Variants in ACVR1C observed in about 807,000 individuals in gnomAD.
ACVR1C encodes the protein activin A receptor type 1C.
ACVR1C carries 23 observed loss-of-function variants against 57.9 expected under a neutral mutation model. The observed-to-expected ratio is 0.40, with a 90% CI of 0.29 to 0.56. ACVR1C has a LOEUF of 0.56. Ranked by LOEUF, ACVR1C falls within the 20% of genes least tolerant of loss-of-function variation. The pLI is 0.50. For synonymous variants in ACVR1C, 214 were observed against 215.3 expected (o/e 0.99, Z 0.05); for missense variants, 480 against 607.9 (o/e 0.79, Z 2.21).
rs1687880400 is a variant in ACVR1C, at chr2:157,550,133, C to T, written c.775+29G>A. 1.9e-6 allele frequency: 3 copies of T among 1,586,442 alleles called. No homozygotes were observed. The East Asian group carries it at 6.8e-5, about 36-fold the overall frequency. On this transcript the variant is annotated intron_variant, in intron 4 of 8. Transcript: ENST00000243349. The stretch of plus-strand genomic sequence containing the variant: ...GTCTCGCTCTAGACAGCATTTTTTA[C>T]TTGTTGAACACAATTAGATTGGAAA...
At chr2:157,559,399 C>T (rs569326888) in intron 2 of ACVR1C, among the ~76,000 whole-genome samples, 116 of 152,228 alleles carry the variant, frequency 7.6e-4, no homozygotes, top group Middle Eastern at 3.4e-3. Context: ...TGATGATAAT[C>T]CCTAGGGGGG....
Position 157,587,277 on chromosome 2 carries a change from G to A in ACVR1C, c.214C>T (p.Gln72Ter), listed in dbSNP as rs1396061961. The A allele has an allele frequency of 6.2e-7, 1 of 1,613,566 alleles. No individual in the cohort carries two copies. The highest frequency in any genetic ancestry group is 8.5e-7 in the Non-Finnish European group (1 of 1,179,678). The stretch of plus-strand genomic sequence containing the variant: ...TTGTTGGAACTATGACAGAAGACTT[G>A]AGCATTCAGTTCTGGAAGGGAGACA... ...SCVSLPELNA[Q>*]VFCHSSNNVT... Residue 72 changes from glutamine to a stop codon, truncating the protein, a stop_gained, in exon 2 of 9, where the codon CAA (glutamine) becomes TAA (stop). Transcript: ENST00000243349. LOFTEE classifies it high-confidence loss of function.
intron 2 of ACVR1C, among the ~76,000 whole-genome samples, chr2:157,557,278 C>T (rs1197178765): frequency 1.3e-5 from 2 of 152,066 alleles, no homozygotes; most frequent in African/African-American, 4.8e-5. Flanking sequence ...AGGTGAGAGA[C>T]ACGATCTAAC....
At chr2:157,535,936 G>GC (rs1687476408) in intron 8 of ACVR1C, among the ~76,000 whole-genome samples, 1 of 152,072 alleles carries the variant, frequency 6.6e-6, no homozygotes, top group African/African-American at 2.4e-5. Flanking sequence ...CAGGATTGTG[G>GC]CCCCCTCATC....
chr2:157,535,438 T>A (rs147820845), intron 8 of ACVR1C, among the ~76,000 whole-genome samples: 1 of 152,112 alleles, frequency 6.6e-6, no homozygotes, highest in Admixed American at 6.6e-5. Context: ...GTATATAAAA[T>A]ATATTTTTAA....
intron 1 of ACVR1C, among the ~76,000 whole-genome samples, chr2:157,598,000 C>A (rs1006218165): frequency 2.6e-5 from 4 of 152,028 alleles, no homozygotes; most frequent in Non-Finnish European, 5.9e-5. Context: ...GATAATTAAG[C>A]CCCTAATGTG....
At chr2:157,590,712 T>C (rs1436943721) in intron 1 of ACVR1C, among the ~76,000 whole-genome samples, 3 of 152,018 alleles carry the variant, frequency 2.0e-5, no homozygotes, top group South Asian at 4.1e-4. Flanking sequence ...TAGAGCCATA[T>C]AGATAAAATC....
rs1274244415 is a variant in ACVR1C, at chr2:157,527,303, G to A, written c.*6615C>T. ...TCCTTCCTTATATACATTCCTTTGGGCCTGTCGGCTGAAAGACAATCTTTT... is the reference window on the plus strand; with the variant it reads ...TCCTTCCTTATATACATTCCTTTGGACCTGTCGGCTGAAAGACAATCTTTT... On this transcript the variant is annotated 3_prime_UTR_variant, in exon 9 of 9. Coordinates refer to ENST00000243349, the MANE Select transcript of ACVR1C (RefSeq NM_145259.3). 1.3e-5 allele frequency: 2 copies of A among 151,764 alleles called. No homozygotes were observed. The highest frequency in any genetic ancestry group is 2.9e-5 in the Non-Finnish European group (2 of 67,944). 9.4% of individuals were successfully genotyped at this position (151,764 alleles called of 1,614,324 possible).
chr2:157,591,369 C>T (rs2105260705), intron 1 of ACVR1C, among the ~76,000 whole-genome samples: 1 of 152,080 alleles, frequency 6.6e-6, no homozygotes. Context: ...GACATTTAAC[C>T]TTACAGAGCC....
At chr2:157,555,613 G>A (rs1005357334) in intron 3 of ACVR1C, among the ~76,000 whole-genome samples, 3 of 151,962 alleles carry the variant, frequency 2.0e-5, no homozygotes, top group Admixed American at 1.3e-4. Flanking sequence ...ACATCTCAGG[G>A]GGTGTCTATA....
In ACVR1C at chr2:157,534,029, C is replaced by T; in HGVS notation, c.1371G>A (p.Met457Ile). 6.4e-7 allele frequency: 1 copy of T among 1,572,488 alleles called. No individual in the cohort carries two copies. Among genetic ancestry groups the T allele is most frequent in the Non-Finnish European group, 8.6e-7 (1 of 1,163,678 alleles). Residue 457 changes from methionine to isoleucine, a missense_variant, in exon 9 of 9, where the codon ATG becomes ATA. Met to Ile is a conservative substitution (Grantham distance 10). Coordinates refer to ENST00000243349, the MANE Select transcript of ACVR1C (RefSeq NM_145259.3). Reference sequence around the variant, plus strand: ...ACCAACACTCACGCATTATTCTCCCCATGACTCGGAGTGCCTTTAAGAGAG... The same window carrying T: ...ACCAACACTCACGCATTATTCTCCCTATGACTCGGAGTGCCTTTAAGAGAG... Reference protein sequence around the residue: ...QWQSCEALRVMGRIMRECWYA... With the variant: ...QWQSCEALRVIGRIMRECWYA...
chr2:157,554,281 A>AGAG (rs1558975198), intron 3 of ACVR1C, among the ~76,000 whole-genome samples: 20 of 122,396 alleles, frequency 1.6e-4, no homozygotes, highest in African/African-American at 8.0e-4. Flanking sequence ...GGAAGGAAGG[A>AGAG]AGAGAGAGAG....
chr2:157,556,545 A>G (rs1194689750), intron 2 of ACVR1C, among the ~76,000 whole-genome samples: 1 of 152,180 alleles, frequency 6.6e-6, no homozygotes, highest in Non-Finnish European at 1.5e-5. Flanking sequence ...GCAGATGACA[A>G]TAAGAAATAT....
chr2:157,555,947 C>T (rs1192740920), intron 3 of ACVR1C, 146 bp downstream of exon 3: 2 of 956,164 alleles, frequency 2.1e-6, no homozygotes, highest in Non-Finnish European at 3.0e-6. Context: ...TCCTCAGGTA[C>T]TAAAAGGAGT....
At chr2:157,551,284 C>T (rs1375753333) in intron 3 of ACVR1C, among the ~76,000 whole-genome samples, 1 of 152,034 alleles carries the variant, frequency 6.6e-6, no homozygotes, top group African/African-American at 2.4e-5. Flanking sequence ...TTACGCATCT[C>T]GCAGAGATGA....
intron 8 of ACVR1C, among the ~76,000 whole-genome samples, chr2:157,535,143 C>CAAAA (rs11349149): frequency 1.0e-5 from 1 of 95,996 alleles, no homozygotes; most frequent in South Asian, 3.5e-4. Flanking sequence ...AGACTCTGTC[C>CAAAA]AAAAAAAAAA....
chr2:157,554,622 G>A lies in ACVR1C; in HGVS notation c.544+1471C>T, dbSNP rs144139042. Among the ~76,000 whole-genome samples, 276 of 152,248 alleles carry A rather than the reference G, an allele frequency of 1.8e-3. 1 individual carries two copies. The highest frequency in any genetic ancestry group is 2.9e-3 in the Non-Finnish European group (200 of 68,026). ...CAGGTGATTTTGCCCCAGAAGGAGCGAACTATCTGGGTTTGATTATGCTTT... is the reference window on the plus strand; with the variant it reads ...CAGGTGATTTTGCCCCAGAAGGAGCAAACTATCTGGGTTTGATTATGCTTT... On this transcript the variant is annotated intron_variant, in intron 3 of 8. Transcript: ENST00000243349.
chr2:157,614,567 A>C (rs1272747208), intron 1 of ACVR1C, among the ~76,000 whole-genome samples: 1 of 152,152 alleles, frequency 6.6e-6, no homozygotes, highest in African/African-American at 2.4e-5. Context: ...AGTTTGGTTT[A>C]TTTATTCTAT....
intron 8 of ACVR1C, among the ~76,000 whole-genome samples, chr2:157,537,919 A>G (rs1687527214): frequency 6.6e-6 from 1 of 152,212 alleles, no homozygotes; most frequent in Admixed American, 6.5e-5. Context: ...TGACAAGATA[A>G]ATAACAATGG....
Sources: gnomAD v4.1 joint callset for allele counts (sites outside exome capture counted in the v4.1 genomes callset) on GRCh38, gnomAD v4.1.1 for gene constraint, MANE v1.5 for transcripts, NCBI Gene and HGNC (gene_info 2026-07-23, HGNC 2026-07-21) for gene names.